The following SORCS1 variants were observed in gnomAD, a reference collection of about 807,000 sequenced individuals.
SORCS1 encodes sortilin related VPS10 domain containing receptor 1, also known as VPS10 domain-containing receptor SorCS1.
SORCS1 carries 60 observed loss-of-function variants against 146.1 expected under a neutral mutation model. The observed-to-expected ratio is 0.41, with a 90% CI of 0.33 to 0.51. The LOEUF is 0.51. SORCS1 is among the 20% of genes least tolerant of loss of function. The pLI is 0.21. For synonymous variants in SORCS1, 637 were observed against 584.0 expected (o/e 1.09, Z -1.31); for missense variants, 1,352 against 1,487.6 (o/e 0.91, Z 1.50).
chr10:106,919,468 T>A (rs911500426), intron 2 of SORCS1, among the ~76,000 whole-genome samples: 4 of 152,202 alleles, frequency 2.6e-5, no homozygotes, highest in Admixed American at 1.3e-4. Flanking sequence ...GGGACCCCTG[T>A]CCAGGAACAT....
chr10:106,908,945 T>TA (rs1241264860), intron 2 of SORCS1, among the ~76,000 whole-genome samples: 1 of 152,218 alleles, frequency 6.6e-6, no homozygotes, highest in Non-Finnish European at 1.5e-5. Context: ...TATTTTTTTT[T>TA]ATCTTCATGG....
chr10:106,983,565 G>A (rs907051523), intron 1 of SORCS1, among the ~76,000 whole-genome samples: 26 of 152,168 alleles, frequency 1.7e-4, no homozygotes, highest in African/African-American at 5.5e-4. Flanking sequence ...AGTAAGAAGT[G>A]CTTCCTATTT....
chr10:107,048,618 AC>A (rs1959751400), intron 1 of SORCS1, among the ~76,000 whole-genome samples: 1 of 152,224 alleles, frequency 6.6e-6, no homozygotes, highest in Non-Finnish European at 1.5e-5. Context: ...TTTATGGCGT[AC>A]GTGAAGATGG....
intron 1 of SORCS1, among the ~76,000 whole-genome samples, chr10:107,139,969 C>A (rs1431206084): frequency 1.3e-5 from 2 of 152,090 alleles, no homozygotes; most frequent in African/African-American, 4.8e-5. Context: ...ACCTGGCTAG[C>A]AAAAAGTGGA....
intron 2 of SORCS1, among the ~76,000 whole-genome samples, chr10:106,874,498 A>T (rs1274967621): frequency 6.6e-6 from 1 of 152,222 alleles, no homozygotes; most frequent in Non-Finnish European, 1.5e-5. Context: ...CCTACTCTTC[A>T]AGAGCCTGCA....
At chr10:106,836,751 T>G (rs1204188331) in intron 2 of SORCS1, among the ~76,000 whole-genome samples, 1 of 151,226 alleles carries the variant, frequency 6.6e-6, no homozygotes, top group Admixed American at 6.6e-5. Flanking sequence ...AAAAAAAAAG[T>G]ATAAGCAGAA....
intron 19 of SORCS1, among the ~76,000 whole-genome samples, chr10:106,620,801 G>C (rs1847694254): frequency 7.1e-6 from 1 of 141,670 alleles, no homozygotes; most frequent in African/African-American, 2.8e-5. Flanking sequence ...AGTTAGGTGT[G>C]TGTAAAAGTT....
chr10:106,877,195 C>A (rs529993733), intron 2 of SORCS1, among the ~76,000 whole-genome samples: 1 of 152,098 alleles, frequency 6.6e-6, no homozygotes, highest in Non-Finnish European at 1.5e-5. Context: ...AAAATCTTCT[C>A]AAAAATTCAG....
intron 21 of SORCS1, among the ~76,000 whole-genome samples, chr10:106,615,573 G>C (rs1847304833): frequency 6.6e-6 from 1 of 152,120 alleles, no homozygotes; most frequent in Non-Finnish European, 1.5e-5. Flanking sequence ...CAGTACTTTG[G>C]GAGGCTGAGG....
chr10:106,820,011 C>T (rs779247929), intron 3 of SORCS1, among the ~76,000 whole-genome samples: 35 of 152,192 alleles, frequency 2.3e-4, no homozygotes, highest in Admixed American at 2.2e-3. Context: ...TCTTCTCTCT[C>T]GGCTTTACCT....
Position 106,579,054 on chromosome 10 carries a change from T to C in SORCS1, c.3371+315A>G, listed in dbSNP as rs1412314668. 2.5e-6 allele frequency: 4 copies of C among 1,609,586 alleles called. No individual in the cohort carries two copies. In the African/African-American group the frequency reaches 5.3e-5, roughly 22 times the overall value. On this transcript the variant is annotated intron_variant, in intron 25 of 25. Transcript: ENST00000263054. ...AGAGAGAGAGTCAGCCATTGCCTAC[T>C]CAGCCGAACAGCTGGTGGCTACTGG... is the stretch of plus-strand genomic sequence containing the variant.
intron 2 of SORCS1, among the ~76,000 whole-genome samples, chr10:106,852,703 A>G (rs894602334): frequency 8.6e-5 from 13 of 151,686 alleles, no homozygotes; most frequent in African/African-American, 3.1e-4. Context: ...AGTTTTTACC[A>G]TGAATTGGTA....
intron 25 of SORCS1, chr10:106,579,048 G>A: frequency 6.2e-7 from 1 of 1,607,314 alleles, no homozygotes. Context: ...GTCAGCCATT[G>A]CCTACTCAGC....
At chr10:106,982,040 A>T (rs1315952284) in intron 1 of SORCS1, among the ~76,000 whole-genome samples, 1 of 152,210 alleles carries the variant, frequency 6.6e-6, no homozygotes, top group African/African-American at 2.4e-5. Context: ...TCAGGCATCC[A>T]TACATTAGCC....
At chr10:106,821,755 A>C (rs1948038847) in intron 3 of SORCS1, among the ~76,000 whole-genome samples, 1 of 152,004 alleles carries the variant, frequency 6.6e-6, no homozygotes, top group Non-Finnish European at 1.5e-5. Flanking sequence ...CCATGTCTCT[A>C]CTAAAAATAC....
At chr10:106,954,504 C>G (rs1348543459) in intron 2 of SORCS1, among the ~76,000 whole-genome samples, 2 of 152,196 alleles carry the variant, frequency 1.3e-5, no homozygotes, top group African/African-American at 4.8e-5. Context: ...ATATCCAGAA[C>G]TGGAAGCTTA....
chr10:106,751,010 G>C (rs1589801901), intron 5 of SORCS1, among the ~76,000 whole-genome samples: 2 of 119,764 alleles, frequency 1.7e-5, no homozygotes, highest in African/African-American at 6.3e-5. Context: ...AGTGAGCCGA[G>C]ATAGTGCCAC....
At chr10:106,608,016 C>T (rs1359115955) in intron 22 of SORCS1, among the ~76,000 whole-genome samples, 5 of 152,186 alleles carry the variant, frequency 3.3e-5, no homozygotes, top group African/African-American at 9.6e-5. Context: ...TTTATCCTAG[C>T]TCACTGTTCT....
intron 1 of SORCS1, among the ~76,000 whole-genome samples, chr10:106,957,838 T>C (rs1955037057): frequency 6.6e-6 from 1 of 152,232 alleles, no homozygotes; most frequent in South Asian, 2.1e-4. Flanking sequence ...TATTTCATTC[T>C]TTCAGAATTC....
Sources: gnomAD v4.1 joint callset for allele counts (sites outside exome capture counted in the v4.1 genomes callset) on GRCh38, gnomAD v4.1.1 for gene constraint, MANE v1.5 for transcripts, NCBI Gene and HGNC (gene_info 2026-07-23, HGNC 2026-07-21) for gene names.